Variants in ADGRL2 observed in about 807,000 individuals in gnomAD.
The protein encoded by ADGRL2 is adhesion G protein-coupled receptor L2, also known as calcium-independent alpha-latrotoxin receptor 2.
ADGRL2 carries 44 observed loss-of-function variants against 157.4 expected under a neutral mutation model. The observed-to-expected ratio is 0.28, with a 90% CI of 0.22 to 0.36. The LOEUF (loss-of-function observed/expected upper bound fraction) is 0.36. Ranked by LOEUF, ADGRL2 falls within the 10% of genes least tolerant of loss-of-function variation. The probability of loss-of-function intolerance (pLI) is 1.00; values close to 1 mark genes in which losing one functional copy is unlikely to be tolerated. For synonymous variants in ADGRL2, 585 were observed against 624.7 expected (o/e 0.94, Z 0.95); for missense variants, 1,510 against 1,768.9 (o/e 0.85, Z 2.63).
intron 2 of ADGRL2, among the ~76,000 whole-genome samples, chr1:81,848,148 ATTTGT>A (rs1401158763): frequency 1.3e-5 from 2 of 151,728 alleles, no homozygotes; most frequent in Admixed American, 6.6e-5. Flanking sequence ...TACTGATATG[ATTTGT>A]TTTAATTTTA....
chr1:81,774,545 T>TA, intron 2 of ADGRL2, among the ~76,000 whole-genome samples: 1 of 152,312 alleles, frequency 6.6e-6, no homozygotes, highest in East Asian at 1.9e-4. Context: ...GCATGTGGGC[T>TA]AAAATATTGG....
intron 2 of ADGRL2, among the ~76,000 whole-genome samples, chr1:81,559,285 G>T (rs960659599): frequency 6.6e-6 from 1 of 152,038 alleles, no homozygotes; most frequent in African/African-American, 2.4e-5. Flanking sequence ...AATGGTATAG[G>T]TATACTCTAA....
At chr1:81,402,509 G>A (rs544469128) in intron 1 of ADGRL2, among the ~76,000 whole-genome samples, 41 of 152,116 alleles carry the variant, frequency 2.7e-4, no homozygotes, top group African/African-American at 8.4e-4. Flanking sequence ...CTAACCTATA[G>A]GTTCTAACCA....
chr1:81,984,120 A>G (rs1483109703), intron 19 of ADGRL2, among the ~76,000 whole-genome samples: 1 of 152,052 alleles, frequency 6.6e-6, no homozygotes, highest in Admixed American at 6.6e-5. Flanking sequence ...CCAGCAAAAG[A>G]GGTTTCTGTA....
chr1:81,752,558 A>G (rs535822883), intron 1 of ADGRL2, among the ~76,000 whole-genome samples: 1 of 152,132 alleles, frequency 6.6e-6, no homozygotes, highest in African/African-American at 2.4e-5. Flanking sequence ...TTTTTTTGAA[A>G]CAAGAGTCTC....
intron 3 of ADGRL2, among the ~76,000 whole-genome samples, chr1:81,614,762 C>T (rs930895432): frequency 1.3e-5 from 2 of 151,964 alleles, no homozygotes; most frequent in Non-Finnish European, 2.9e-5. Context: ...CAGTAGCTCA[C>T]GCTTGTAATC....
intron 2 of ADGRL2, among the ~76,000 whole-genome samples, chr1:81,500,138 TA>T (rs1331020984): frequency 1.3e-5 from 2 of 152,234 alleles, no homozygotes; most frequent in Admixed American, 1.3e-4. Context: ...AGATGGCTAT[TA>T]TTAAAACCAA....
At chr1:81,363,032 G>T (rs1433045170) in intron 1 of ADGRL2, among the ~76,000 whole-genome samples, 1 of 151,864 alleles carries the variant, frequency 6.6e-6, no homozygotes. Flanking sequence ...TTACTTATCA[G>T]AATTTATGTA....
intron 2 of ADGRL2, among the ~76,000 whole-genome samples, chr1:81,463,129 A>G (rs144637591): frequency 0.1 from 15,383 of 146,896 alleles, 948 homozygotes; most frequent in Non-Finnish European, 0.13. Context: ...AAAAAAAAAA[A>G]AAAAAGAAAA....
intron 1 of ADGRL2, among the ~76,000 whole-genome samples, chr1:81,742,694 T>G (rs2085111918): frequency 6.6e-6 from 1 of 152,074 alleles, no homozygotes; most frequent in Admixed American, 6.6e-5. Context: ...GCCCCTAGCG[T>G]ACTAAGAGAT....
At chr1:81,905,790 T>A (rs948515782) in intron 2 of ADGRL2, among the ~76,000 whole-genome samples, 1 of 152,168 alleles carries the variant, frequency 6.6e-6, no homozygotes, top group Non-Finnish European at 1.5e-5. Context: ...TTTGATGTCG[T>A]TTGTTTGAAT....
At chr1:81,496,704 G>A (rs1374633832) in intron 2 of ADGRL2, among the ~76,000 whole-genome samples, 1 of 150,850 alleles carries the variant, frequency 6.6e-6, no homozygotes, top group African/African-American at 2.4e-5. Flanking sequence ...TCCCATACAA[G>A]GAAAGAAATT....
chr1:81,845,841 A>G (rs770290578), intron 2 of ADGRL2, among the ~76,000 whole-genome samples: 3 of 151,806 alleles, frequency 2.0e-5, no homozygotes, highest in Admixed American at 2.0e-4. Flanking sequence ...CAGGTTTAAC[A>G]ATTGTCAAGA....
chr1:81,677,950 T>G (rs2083030394), intron 3 of ADGRL2, among the ~76,000 whole-genome samples: 2 of 152,220 alleles, frequency 1.3e-5, no homozygotes, highest in South Asian at 4.1e-4. Context: ...AAATACATTA[T>G]ATACTATTAT....
rs117754378 is a variant in ADGRL2, at chr1:81,346,111, A to G, written c.-302+39602A>G. Among the ~76,000 whole-genome samples, 419 of 152,344 alleles carry G rather than the reference A, an allele frequency of 2.8e-3. 5 individuals carry two copies. In the South Asian group the frequency reaches 0.051, roughly 19 times the overall value. ...AAAGCTAAGTTGCACGCTGATAAAT[A>G]TTAGAAATATTGACAGGTATTTGGG... On this transcript the variant is annotated intron_variant, in intron 1 of 24. Coordinates refer to the ADGRL2 transcript ENST00000370721.
chr1:81,488,932 T>C (rs2078568098), intron 2 of ADGRL2, among the ~76,000 whole-genome samples: 2 of 151,856 alleles, frequency 1.3e-5, no homozygotes, highest in African/African-American at 4.8e-5. Context: ...AATGGAAATA[T>C]CAATTAAGAG....
At chr1:81,890,526 G>C (rs1030524715) in intron 2 of ADGRL2, among the ~76,000 whole-genome samples, 1 of 152,112 alleles carries the variant, frequency 6.6e-6, no homozygotes, top group African/African-American at 2.4e-5. Flanking sequence ...GACTAAGTTG[G>C]GGGTCGGGGA....
At chr1:81,316,122 C>CA (rs1369989981) in intron 1 of ADGRL2, among the ~76,000 whole-genome samples, 6 of 129,894 alleles carry the variant, frequency 4.6e-5, no homozygotes, top group Non-Finnish European at 8.0e-5. Context: ...GATCATCTAC[C>CA]AAAAAAACAA....
chr1:81,607,055 T>A (rs1191783230), intron 3 of ADGRL2, among the ~76,000 whole-genome samples: 1 of 152,206 alleles, frequency 6.6e-6, no homozygotes, highest in Non-Finnish European at 1.5e-5. Flanking sequence ...AACTCTTTAT[T>A]TTATAATTTT....
Sources: allele counts gnomAD v4.1 joint callset (sites outside exome capture counted in the v4.1 genomes callset), GRCh38; gene constraint gnomAD v4.1.1; transcripts MANE v1.5; gene names NCBI Gene and HGNC (gene_info 2026-07-23, HGNC 2026-07-21).